Variants in PLCB1 observed in about 807,000 individuals in gnomAD.
PLCB1 encodes 1-phosphatidylinositol 4,5-bisphosphate phosphodiesterase beta-1.
Under a neutral mutation model 161.8 loss-of-function variants are expected in PLCB1, and 46 were observed. The ratio of observed to expected loss-of-function variants is 0.28; its 90% CI spans 0.22 to 0.36. The LOEUF is 0.36. Ranked by LOEUF, PLCB1 falls within the 10% of genes least tolerant of loss-of-function variation. The pLI, the probability that PLCB1 is intolerant of heterozygous loss-of-function variation, is 1.00. For missense variants in PLCB1, 1,016 were observed against 1,472.5 expected, an observed-to-expected ratio of 0.69 and a Z score of 5.07; for synonymous variants, 517 against 503.7, an observed-to-expected ratio of 1.03 and a Z score of -0.35.
At chr20:8,697,097 T>G (rs1990600833) in intron 10 of PLCB1, among the ~76,000 whole-genome samples, 1 of 152,232 alleles carries the variant, frequency 6.6e-6, no homozygotes, top group Non-Finnish European at 1.5e-5. Context: ...TCAGCATTTG[T>G]GCCTTTGGCA....
chr20:8,141,444 T>G (rs1325114053), intron 1 of PLCB1, among the ~76,000 whole-genome samples: 1 of 151,934 alleles, frequency 6.6e-6, no homozygotes, highest in African/African-American at 2.4e-5. Flanking sequence ...GCCAATATGA[T>G]GAAACCCCGT....
intron 23 of PLCB1, chr20:8,751,500 C>A (rs1981480349): frequency 6.6e-6 from 1 of 152,174 alleles, no homozygotes; most frequent in Non-Finnish European, 1.5e-5. Flanking sequence ...TTTCAGTTAC[C>A]ATTTTACTGG....
intron 3 of PLCB1, among the ~76,000 whole-genome samples, chr20:8,503,618 A>G (rs1416548120): frequency 6.6e-6 from 1 of 152,190 alleles, no homozygotes; most frequent in African/African-American, 2.4e-5. Flanking sequence ...GTGAGAAAAG[A>G]AAGTGATATA....
chr20:8,626,750 C>T (rs1467954158), intron 3 of PLCB1, among the ~76,000 whole-genome samples: 1 of 152,036 alleles, frequency 6.6e-6, no homozygotes, highest in African/African-American at 2.4e-5. Context: ...CTGAGTGTAC[C>T]AAAAAGAACC....
intron 3 of PLCB1, among the ~76,000 whole-genome samples, chr20:8,531,801 T>C (rs1984828133): frequency 1.3e-5 from 2 of 152,062 alleles, no homozygotes; most frequent in Admixed American, 1.3e-4. Flanking sequence ...GAAAAAGTTG[T>C]GATGATGTTA....
At chr20:8,643,661 G>A (rs907590937) in intron 4 of PLCB1, among the ~76,000 whole-genome samples, 2 of 152,168 alleles carry the variant, frequency 1.3e-5, no homozygotes, top group African/African-American at 2.4e-5. Flanking sequence ...AGGCTGAGGC[G>A]GGTGGATCAC....
chr20:8,867,608 T>G (rs1449469856), intron 31 of PLCB1, among the ~76,000 whole-genome samples: 2 of 152,234 alleles, frequency 1.3e-5, no homozygotes, highest in African/African-American at 4.8e-5. Flanking sequence ...GGTGTCTTTC[T>G]TAGCCTCTCT....
intron 3 of PLCB1, among the ~76,000 whole-genome samples, chr20:8,553,286 A>T (rs917156873): frequency 1.2e-4 from 18 of 152,192 alleles, no homozygotes; most frequent in Admixed American, 3.3e-4. Flanking sequence ...GGATATAGAT[A>T]CAGTTTCTCA....
At chr20:8,507,305 C>T (rs373486993) in intron 3 of PLCB1, among the ~76,000 whole-genome samples, 1 of 152,070 alleles carries the variant, frequency 6.6e-6, no homozygotes, top group Non-Finnish European at 1.5e-5. Flanking sequence ...TCTTGCAACT[C>T]AAACTCATGA....
At chr20:8,487,934 GA>G (rs1982798987) in intron 3 of PLCB1, among the ~76,000 whole-genome samples, 1 of 152,166 alleles carries the variant, frequency 6.6e-6, no homozygotes, top group Non-Finnish European at 1.5e-5. Context: ...TGACTCGTAT[GA>G]GGGTGTAAAC....
intron 11 of PLCB1, among the ~76,000 whole-genome samples, chr20:8,700,909 G>A (rs1432353365): frequency 6.6e-6 from 1 of 152,244 alleles, no homozygotes; most frequent in Non-Finnish European, 1.5e-5. Flanking sequence ...GAGTGGAAAT[G>A]CCAACCTATT....
At chr20:8,653,989 C>A (rs1989386036) in intron 7 of PLCB1, among the ~76,000 whole-genome samples, 4 of 151,914 alleles carry the variant, frequency 2.6e-5, no homozygotes, top group Admixed American at 2.6e-4. Flanking sequence ...GCTCATAGAA[C>A]TATGTTTGAT....
At chr20:8,707,762 A>C (rs539053599) in intron 11 of PLCB1, among the ~76,000 whole-genome samples, 3 of 152,216 alleles carry the variant, frequency 2.0e-5, no homozygotes, top group Non-Finnish European at 2.9e-5. Context: ...GGGAATGGTT[A>C]AATCAATTTT....
chr20:8,185,950 T>C (rs756880851), intron 2 of PLCB1, among the ~76,000 whole-genome samples: 2 of 152,210 alleles, frequency 1.3e-5, no homozygotes, highest in Non-Finnish European at 2.9e-5. Context: ...CAATTCTCCC[T>C]TGAAAACCTT....
chr20:8,457,492 C>A (rs1159283214), intron 3 of PLCB1, among the ~76,000 whole-genome samples: 1 of 152,070 alleles, frequency 6.6e-6, no homozygotes, highest in Non-Finnish European at 1.5e-5. Context: ...TCCTAAATTG[C>A]CCACCTTCCA....
At chr20:8,472,703 T>C (rs745932471) in intron 3 of PLCB1, among the ~76,000 whole-genome samples, 2 of 151,968 alleles carry the variant, frequency 1.3e-5, no homozygotes, top group Non-Finnish European at 2.9e-5. Flanking sequence ...ATCTTCGTCA[T>C]TGAGATGTTG....
At chr20:8,334,854 C>T (rs1404374679) in intron 2 of PLCB1, among the ~76,000 whole-genome samples, 1 of 152,212 alleles carries the variant, frequency 6.6e-6, no homozygotes, top group Non-Finnish European at 1.5e-5. Flanking sequence ...CCATGCATAG[C>T]TGCTTATTTC....
intron 10 of PLCB1, among the ~76,000 whole-genome samples, chr20:8,690,319 GGCAGTGGA>G (rs1990447773): frequency 6.6e-6 from 1 of 152,100 alleles, no homozygotes; most frequent in African/African-American, 2.4e-5. Flanking sequence ...CTTATTGCAA[GGCAGTGGA>G]GCAGAAGGAT....
chr20:8,367,764 G>A (rs978554695), intron 2 of PLCB1, among the ~76,000 whole-genome samples: 1 of 152,182 alleles, frequency 6.6e-6, no homozygotes, highest in East Asian at 1.9e-4. Context: ...ATTGTCACGA[G>A]AAAATTAACC....
Sources: allele counts gnomAD v4.1 joint callset (sites outside exome capture counted in the v4.1 genomes callset), GRCh38; gene constraint gnomAD v4.1.1; transcripts MANE v1.5; gene names NCBI Gene and HGNC (gene_info 2026-07-23, HGNC 2026-07-21).